The following DOCK3 variants were observed in gnomAD, a reference collection of about 807,000 sequenced individuals.
DOCK3 encodes dedicator of cytokinesis 3, also known as dedicator of cytokinesis protein 3.
A neutral mutation model predicts 265.6 loss-of-function variants in DOCK3; 60 were observed. That is an observed-to-expected ratio of 0.23 (90% CI 0.18 to 0.28). The LOEUF is 0.28. DOCK3 is among the 10% of genes least tolerant of loss of function. The pLI, the probability that DOCK3 is intolerant of heterozygous loss-of-function variation, is 1.00. For synonymous variants in DOCK3, 881 were observed against 938.0 expected (o/e 0.94, Z 1.11); for missense variants, 1,981 against 2,594.3 (o/e 0.76, Z 5.14).
chr3:51,312,796 C>T, intron 30 of DOCK3, 48 bp from the exon 31 acceptor site: 1 of 1,573,974 alleles, frequency 6.4e-7, no homozygotes, highest in Non-Finnish European at 8.7e-7. Context: ...GCCCTATCCT[C>T]CTGAACCTTC....
chr3:51,048,066 C>T (rs2080844739), intron 5 of DOCK3, among the ~76,000 whole-genome samples: 1 of 151,674 alleles, frequency 6.6e-6, no homozygotes, highest in South Asian at 2.1e-4. Context: ...AAATATGGCT[C>T]AACATATACA....
chr3:50,985,134 C>G (rs765934569), intron 5 of DOCK3, among the ~76,000 whole-genome samples: 2 of 152,156 alleles, frequency 1.3e-5, no homozygotes, highest in African/African-American at 2.4e-5. Flanking sequence ...TTACTTCTTT[C>G]ACTTTTGTAT....
At chr3:50,728,961 T>C (rs1360612839) in intron 1 of DOCK3, among the ~76,000 whole-genome samples, 2 of 148,530 alleles carry the variant, frequency 1.3e-5, no homozygotes, top group African/African-American at 2.5e-5. Flanking sequence ...TGACCTCTAG[T>C]GATCTGCCCG....
chr3:51,148,820 A>G (rs2085426668), intron 10 of DOCK3, among the ~76,000 whole-genome samples: 1 of 152,172 alleles, frequency 6.6e-6, no homozygotes, highest in South Asian at 2.1e-4. Context: ...TGTCTTGGCA[A>G]TGTGGGCTCT....
At chr3:50,834,942 A>G (rs1327318709) in intron 2 of DOCK3, among the ~76,000 whole-genome samples, 2 of 152,212 alleles carry the variant, frequency 1.3e-5, no homozygotes, top group Non-Finnish European at 2.9e-5. Context: ...GTCACACCCA[A>G]TTCTTAAAAC....
chr3:51,342,465 A>T (rs186808384), intron 38 of DOCK3, among the ~76,000 whole-genome samples: 7 of 152,168 alleles, frequency 4.6e-5, no homozygotes, highest in Non-Finnish European at 1.0e-4. Context: ...AGCCCCTCAC[A>T]TGCAGTTTTA....
intron 5 of DOCK3, among the ~76,000 whole-genome samples, chr3:50,978,039 C>T (rs1457868695): frequency 6.6e-6 from 1 of 151,900 alleles, no homozygotes. Flanking sequence ...CTAGTTATAC[C>T]TTCTTCTAAA....
chr3:51,289,931 A>G (rs2081636742), intron 27 of DOCK3, among the ~76,000 whole-genome samples: 2 of 152,200 alleles, frequency 1.3e-5, no homozygotes, highest in South Asian at 4.1e-4. Context: ...GACACATGAA[A>G]AAATGCTCAT....
chr3:50,959,556 GTGTATA>G (rs1436752589), intron 5 of DOCK3, among the ~76,000 whole-genome samples: 7 of 141,490 alleles, frequency 4.9e-5, no homozygotes, highest in East Asian at 2.1e-4. Flanking sequence ...GTGTGTGTGT[GTGTATA>G]TATATATAAA....
At chr3:50,885,364 G>GTT (rs62977761) in intron 3 of DOCK3, among the ~76,000 whole-genome samples, 4 of 129,600 alleles carry the variant, frequency 3.1e-5, no homozygotes, top group Non-Finnish European at 5.0e-5. Context: ...TTTGTATGCA[G>GTT]TTTTTTTTTT....
intron 3 of DOCK3, among the ~76,000 whole-genome samples, chr3:50,843,138 A>G (rs995566686): frequency 1.3e-5 from 2 of 152,222 alleles, no homozygotes; most frequent in Admixed American, 6.5e-5. Context: ...ATCTTCCTAC[A>G]CAATGAAGTA....
At chr3:51,084,092 G>A (rs191332560) in intron 7 of DOCK3, among the ~76,000 whole-genome samples, 1 of 152,064 alleles carries the variant, frequency 6.6e-6, no homozygotes, top group Non-Finnish European at 1.5e-5. Context: ...GACATACAGG[G>A]TACCAGAAGC....
intron 4 of DOCK3, among the ~76,000 whole-genome samples, chr3:50,909,312 G>A (rs1465915297): frequency 6.6e-6 from 1 of 152,072 alleles, no homozygotes; most frequent in Non-Finnish European, 1.5e-5. Context: ...TAGTGTCACT[G>A]TTCTTCTGTG....
chr3:50,761,686 C>A (rs2040539360), intron 1 of DOCK3, among the ~76,000 whole-genome samples: 1 of 152,158 alleles, frequency 6.6e-6, no homozygotes, highest in Non-Finnish European at 1.5e-5. Flanking sequence ...AATTTTTCAC[C>A]ATTTTTCTGA....
At chr3:51,036,936 G>GC (rs1331772958) in intron 5 of DOCK3, among the ~76,000 whole-genome samples, 3 of 152,082 alleles carry the variant, frequency 2.0e-5, no homozygotes, top group African/African-American at 7.2e-5. Context: ...GATGTGACTT[G>GC]CTCCTCCTTG....
At chr3:50,940,495 T>G (rs540997812) in intron 5 of DOCK3, among the ~76,000 whole-genome samples, 1 of 152,330 alleles carries the variant, frequency 6.6e-6, no homozygotes, top group South Asian at 2.1e-4. Flanking sequence ...ATATTTAATG[T>G]AATTCCTAAA....
chr3:51,009,595 G>C (rs1246452404), intron 5 of DOCK3, among the ~76,000 whole-genome samples: 1 of 152,012 alleles, frequency 6.6e-6, no homozygotes, highest in African/African-American at 2.4e-5. Flanking sequence ...ATTTTTGAAG[G>C]GTTTTTTGTA....
intron 12 of DOCK3, among the ~76,000 whole-genome samples, chr3:51,199,870 G>A (rs1355209387): frequency 6.6e-6 from 1 of 152,196 alleles, no homozygotes; most frequent in Non-Finnish European, 1.5e-5. Context: ...AGCATTCGCG[G>A]TTCACGAAAA....
intron 3 of DOCK3, among the ~76,000 whole-genome samples, chr3:50,879,223 A>C (rs1214860308): frequency 6.6e-6 from 1 of 152,242 alleles, no homozygotes; most frequent in Non-Finnish European, 1.5e-5. Flanking sequence ...GCATCAATTA[A>C]CGAGCAAAAT....
Sources: gnomAD v4.1 joint callset for allele counts (sites outside exome capture counted in the v4.1 genomes callset) on GRCh38, gnomAD v4.1.1 for gene constraint, MANE v1.5 for transcripts, NCBI Gene and HGNC (gene_info 2026-07-23, HGNC 2026-07-21) for gene names.